ADAMTSL1: variants seen among roughly 807,000 people sequenced by gnomAD.
The protein encoded by ADAMTSL1 is ADAMTS like 1, also known as ADAMTS-like protein 1.
In ADAMTSL1, 126 loss-of-function variants were observed where a neutral mutation model predicts 201.8. That is an observed-to-expected ratio of 0.62 (90% CI 0.54 to 0.72). The LOEUF is 0.72. Among genes scored for constraint, ADAMTSL1 ranks in the 30% least tolerant of loss-of-function variants. The pLI is 0.00. For synonymous variants in ADAMTSL1, 1,121 were observed against 903.4 expected, an observed-to-expected ratio of 1.24 and a Z score of -4.32; for missense variants, 2,679 against 2,277.8, an observed-to-expected ratio of 1.18 and a Z score of -3.59.
chr9:18,083,611 C>T lies in ADAMTSL1; in HGVS notation c.88-80251C>T, dbSNP rs1168440805. Among the ~76,000 whole-genome samples the T allele has an allele frequency of 3.9e-5, 6 of 152,214 alleles. No homozygotes were observed. In the South Asian group the frequency reaches 6.2e-4, roughly 16 times the overall value. On this transcript the variant is annotated intron_variant, in intron 1 of 29. Transcript: ENST00000680146. ...GGGCACTTAAGAGTTATATGAAAGA[C>T]AGACTCACAGTCATCTGGAATTCCA...
rs558753735 is a variant in ADAMTSL1 at position 18,793,924 on chromosome 9, T to C, written c.3678-1473T>C. On this transcript the variant is annotated intron_variant, in intron 19 of 28. Transcript: ENST00000380548. The stretch of plus-strand genomic sequence containing the variant: ...CTGCCATAATGTCACAGGTACTTTC[T>C]AGAAATGGCATAAATCTAGAAAAGA... Among the ~76,000 whole-genome samples the C allele has an allele frequency of 5.9e-5, 9 of 152,232 alleles. No individual in the cohort carries two copies. The South Asian group carries it at 1.9e-3, about 32-fold the overall frequency.
intron 1 of ADAMTSL1, among the ~76,000 whole-genome samples, chr9:17,949,778 T>A (rs1827656580): frequency 6.6e-6 from 1 of 152,156 alleles, no homozygotes; most frequent in South Asian, 2.1e-4. Flanking sequence ...GTGGCTTCCA[T>A]CTCTTTGTAA....
chr9:18,509,811 G>A (rs1012389821), intron 2 of ADAMTSL1, among the ~76,000 whole-genome samples: 7 of 152,174 alleles, frequency 4.6e-5, no homozygotes, highest in African/African-American at 1.7e-4. Flanking sequence ...GCTAGAGAGA[G>A]GGTGAAAAAT....
intron 2 of ADAMTSL1, among the ~76,000 whole-genome samples, chr9:18,256,968 C>T (rs1831712941): frequency 6.6e-6 from 1 of 152,148 alleles, no homozygotes; most frequent in Admixed American, 6.5e-5. Flanking sequence ...CAGCTGTACC[C>T]CTGCCTCAAG....
chr9:18,433,470 G>A (rs1160606089), intron 2 of ADAMTSL1, among the ~76,000 whole-genome samples: 5 of 152,124 alleles, frequency 3.3e-5, no homozygotes, highest in Admixed American at 6.5e-5. Flanking sequence ...ATGTAATATT[G>A]CCATTAAGAA....
chr9:18,188,274 C>G (rs186690259), intron 2 of ADAMTSL1, among the ~76,000 whole-genome samples: 3 of 152,220 alleles, frequency 2.0e-5, no homozygotes, highest in African/African-American at 7.2e-5. Context: ...GAGTCCCACT[C>G]AACCCTACAC....
intron 2 of ADAMTSL1, among the ~76,000 whole-genome samples, chr9:18,351,930 C>T (rs1835980626): frequency 6.6e-6 from 1 of 152,118 alleles, no homozygotes; most frequent in South Asian, 2.1e-4. Context: ...ACAGTGGTTT[C>T]AAATATCAGT....
chr9:18,649,458 G>A (rs1828053458), intron 7 of ADAMTSL1, among the ~76,000 whole-genome samples: 1 of 152,160 alleles, frequency 6.6e-6, no homozygotes, highest in Non-Finnish European at 1.5e-5. Flanking sequence ...GATGAGGAGA[G>A]GTGCTCTGAT....
chr9:18,045,465 T>C (rs533188317), intron 1 of ADAMTSL1, among the ~76,000 whole-genome samples: 32 of 152,294 alleles, frequency 2.1e-4, no homozygotes, highest in Non-Finnish European at 3.7e-4. Flanking sequence ...GAAAAAAATC[T>C]GTAGAGATGG....
In ADAMTSL1 at chr9:18,706,893, C is replaced by G. The variant is rs1219418655; in HGVS notation, c.1721C>G (p.Ser574Cys). 1 of 1,613,968 alleles carries G rather than the reference C, an allele frequency of 6.2e-7. No individual in the cohort carries two copies. The highest frequency in any genetic ancestry group is 1.1e-5 in the South Asian group (1 of 91,058). ...GAGTGTGAAGGGCCCAAGCCAGCAT[C>G]CCAGCGTGCCTGTTATGCAGGCCCA... ...IDECEGPKPASQRACYAGPCS... is the reference protein window; with the variant it reads ...IDECEGPKPACQRACYAGPCS... The change falls in exon 14 of 29, where the codon TCC becomes TGC. Residue 574 changes from serine to cysteine, a missense_variant. Coordinates refer to ENST00000380548, the MANE Select transcript of ADAMTSL1 (RefSeq NM_001040272.6).
chr9:18,072,546 ATTTTTG>A (rs1210089011), intron 1 of ADAMTSL1, among the ~76,000 whole-genome samples: 1 of 152,154 alleles, frequency 6.6e-6, no homozygotes, highest in Non-Finnish European at 1.5e-5. Context: ...TGTGTTTTGT[ATTTTTG>A]TTTTTGTTTT....
rs948234912 is a variant in ADAMTSL1, at chr9:18,657,396, T to C, written c.835-243T>C. Reference sequence around the variant, plus strand: ...ATGATAGTGAAATCACAAATTGAGATATTGTTCTCCCTTGCTCTGTGGCAA... The same window carrying C: ...ATGATAGTGAAATCACAAATTGAGACATTGTTCTCCCTTGCTCTGTGGCAA... On this transcript the variant is annotated intron_variant, in intron 7 of 28. Coordinates refer to ENST00000380548, the MANE Select transcript of ADAMTSL1 (RefSeq NM_001040272.6). Among the ~76,000 whole-genome samples, 4 of 152,344 alleles carry C rather than the reference T, an allele frequency of 2.6e-5. No homozygotes were observed. The South Asian group carries it at 8.3e-4, about 32-fold the overall frequency.
At chr9:18,330,790 G>A (rs193031439) in intron 2 of ADAMTSL1, among the ~76,000 whole-genome samples, 4 of 152,234 alleles carry the variant, frequency 2.6e-5, no homozygotes, top group Admixed American at 2.6e-4. Flanking sequence ...CAAACCAATA[G>A]TTGGGGATTA....
chr9:18,062,928 G>A (rs1312044936), intron 1 of ADAMTSL1, among the ~76,000 whole-genome samples: 1 of 152,062 alleles, frequency 6.6e-6, no homozygotes, highest in African/African-American at 2.4e-5. Context: ...TTTCTTGGTT[G>A]TTGAAAAGAA....
Position 18,695,209 on chromosome 9 carries a change from T to C in ADAMTSL1, c.1574+10409T>C, listed in dbSNP as rs141469426. On this transcript the variant is annotated intron_variant, in intron 13 of 28. Coordinates refer to ENST00000380548, the MANE Select transcript of ADAMTSL1 (RefSeq NM_001040272.6). ...GGACTGCCACAGCTCTGAAATGCCT[T>C]TGAGGCATTTTCCCCATTGTCTTGG... 4.6e-3 allele frequency among the ~76,000 whole-genome samples: 704 copies of C among 152,326 alleles called. 3 individuals are homozygous for C. Among genetic ancestry groups the C allele is most frequent in the African/African-American group, 0.016 (668 of 41,584 alleles).
intron 2 of ADAMTSL1, among the ~76,000 whole-genome samples, chr9:18,232,480 T>G (rs1178845942): frequency 6.6e-6 from 1 of 152,222 alleles, no homozygotes; most frequent in Non-Finnish European, 1.5e-5. Flanking sequence ...CTTATCTTGT[T>G]TATTCCACAA....
In ADAMTSL1 at chr9:18,204,675, G is replaced by A. The variant is rs140834175; in HGVS notation, c.207+40694G>A. Among the ~76,000 whole-genome samples, 4 of 152,174 alleles carry A rather than the reference G, an allele frequency of 2.6e-5. No homozygotes were observed. In the East Asian group the frequency reaches 7.7e-4, roughly 29 times the overall value. On this transcript the variant is annotated intron_variant, in intron 2 of 29. Coordinates refer to the ADAMTSL1 transcript ENST00000680146. ...AGTTCCTTCAATCATCTGAAGACTG[G>A]TTGCCAGCAGCCTTATAGTGTTCAG...
chr9:18,393,235 G>A (rs1838124577), intron 2 of ADAMTSL1, among the ~76,000 whole-genome samples: 1 of 152,124 alleles, frequency 6.6e-6, no homozygotes, highest in Non-Finnish European at 1.5e-5. Context: ...ACAGTATGCT[G>A]GGGTTTTTTA....
At chr9:18,774,191 G>A (rs934105996) in intron 17 of ADAMTSL1, among the ~76,000 whole-genome samples, 3 of 151,944 alleles carry the variant, frequency 2.0e-5, no homozygotes. Context: ...TCTCCTGCTT[G>A]CATCCCTTCC....
Sources: gnomAD v4.1 joint callset for allele counts (sites outside exome capture counted in the v4.1 genomes callset) on GRCh38, gnomAD v4.1.1 for gene constraint, MANE v1.5 for transcripts, NCBI Gene and HGNC (gene_info 2026-07-23, HGNC 2026-07-21) for gene names.